EML5: variants seen among roughly 807,000 people sequenced by gnomAD.
The protein encoded by EML5 is echinoderm microtubule-associated protein-like 5.
A neutral mutation model predicts 250.0 loss-of-function variants in EML5; 120 were observed. The observed-to-expected ratio is 0.48, with a 90% confidence interval of 0.41 to 0.56. The LOEUF is 0.56. Among genes scored for constraint, EML5 ranks in the 20% least tolerant of loss-of-function variants. The pLI is 0.00. For synonymous variants in EML5, 771 were observed against 806.5 expected, an observed-to-expected ratio of 0.96 and a Z score of 0.75; for missense variants, 2,006 against 2,437.6, an observed-to-expected ratio of 0.82 and a Z score of 3.73.
At chr14:88,665,242 G>A in intron 22 of EML5, 95 bp downstream of exon 22, 1 of 1,337,388 alleles carries the variant, frequency 7.5e-7, no homozygotes, top group African/African-American at 1.5e-5. Context: ...GTTAAGTTCT[G>A]AGATAACATA....
intron 33 of EML5, among the ~76,000 whole-genome samples, chr14:88,630,577 A>G (rs1232803658): frequency 6.6e-6 from 1 of 151,960 alleles, no homozygotes; most frequent in Non-Finnish European, 1.5e-5. Context: ...TACTGCCTCC[A>G]CTCCCAACCC....
At chr14:88,704,001 A>G (rs779061795) in intron 13 of EML5, among the ~76,000 whole-genome samples, 4 of 152,154 alleles carry the variant, frequency 2.6e-5, no homozygotes, top group South Asian at 4.1e-4. Context: ...CACCACTAGC[A>G]TTGCCTTATT....
At chr14:88,637,836 T>C (rs2090827333) in intron 32 of EML5, among the ~76,000 whole-genome samples, 2 of 152,184 alleles carry the variant, frequency 1.3e-5, no homozygotes, top group African/African-American at 4.8e-5. Flanking sequence ...AAGCTAGACC[T>C]ATGTATTTAT....
Position 88,705,462 on chromosome 14 carries a change from C to A in EML5, c.1932+20G>T. 1 of 1,538,858 alleles carries A rather than the reference C, an allele frequency of 6.5e-7. No individual in the cohort carries two copies. The highest frequency in any genetic ancestry group is 1.2e-5 in the South Asian group (1 of 85,248). ...GAAATTAGACTTTTTAGAGAAAAAC[C>A]ATGTGATATGGAAAATTACCTGTCG... On this transcript the variant is annotated intron_variant, in intron 12 of 43. Transcript: ENST00000554922.
chr14:88,694,257 A>G, intron 17 of EML5, 50 bp downstream of exon 17: 1 of 1,331,596 alleles, frequency 7.5e-7, no homozygotes, highest in Non-Finnish European at 1.0e-6. Context: ...TACTTTCAAA[A>G]GCAATAATTT....
intron 4 of EML5, among the ~76,000 whole-genome samples, chr14:88,741,009 A>G (rs1434481540): frequency 6.6e-6 from 1 of 152,130 alleles, no homozygotes; most frequent in Non-Finnish European, 1.5e-5. Context: ...CTAAAAATAC[A>G]AAAATTAGCC....
At chr14:88,742,871 G>T (rs1566736671) in intron 4 of EML5, among the ~76,000 whole-genome samples, 1 of 152,072 alleles carries the variant, frequency 6.6e-6, no homozygotes. Flanking sequence ...AAACGTGGAT[G>T]GAGTTAGGCA....
chr14:88,739,623 G>A (rs1369919539), intron 5 of EML5, among the ~76,000 whole-genome samples: 1 of 152,164 alleles, frequency 6.6e-6, no homozygotes, highest in Admixed American at 6.5e-5. Context: ...GGCTGTGAGA[G>A]ACTTTTCTAG....
chr14:88,663,712 T>A, intron 23 of EML5, among the ~76,000 whole-genome samples: 1 of 151,916 alleles, frequency 6.6e-6, no homozygotes, highest in South Asian at 2.1e-4. Context: ...TTCATTTTTT[T>A]TTTTTAGGAA....
chr14:88,739,138 A>G lies in EML5; in HGVS notation c.712-124T>C, dbSNP rs915603264. 5 of 887,378 alleles carry G rather than the reference A, an allele frequency of 5.6e-6. No homozygotes were observed. In the Admixed American group the frequency reaches 9.9e-5, roughly 18 times the overall value. The allele number at this position is 887,378 out of a possible 1,614,324, so 55.0% of individuals were successfully genotyped here. ...GTAGGATATAAGAATAAACAAATACATCAGAAAACACAAAAGAAAATCTAG... is the reference window on the plus strand; with the variant it reads ...GTAGGATATAAGAATAAACAAATACGTCAGAAAACACAAAAGAAAATCTAG... On this transcript the variant is annotated intron_variant, in intron 5 of 43. Transcript: ENST00000554922.
intron 31 of EML5, among the ~76,000 whole-genome samples, chr14:88,642,075 A>G (rs1354421110): frequency 1.3e-5 from 2 of 152,202 alleles, no homozygotes; most frequent in African/African-American, 4.8e-5. Flanking sequence ...GAAAGATCAT[A>G]TTGATGGTTA....
At chr14:88,729,314 AAT>A (rs1469557123) in intron 7 of EML5, among the ~76,000 whole-genome samples, 1 of 152,172 alleles carries the variant, frequency 6.6e-6, no homozygotes, top group African/African-American at 2.4e-5. Context: ...TTCAACATTA[AAT>A]ATGATATTTG....
intron 2 of EML5, among the ~76,000 whole-genome samples, chr14:88,751,376 A>T (rs1193170083): frequency 6.6e-6 from 1 of 152,202 alleles, no homozygotes; most frequent in Non-Finnish European, 1.5e-5. Flanking sequence ...AGAACAAAGG[A>T]CCTCAAGATT....
chr14:88,781,229 C>T (rs955173720), intron 1 of EML5, among the ~76,000 whole-genome samples: 5 of 152,170 alleles, frequency 3.3e-5, no homozygotes, highest in Non-Finnish European at 7.4e-5. Context: ...GTCTCTGACC[C>T]AGAAGCTGGT....
At chr14:88,638,216 C>T (rs902309236) in intron 32 of EML5, among the ~76,000 whole-genome samples, 6 of 152,176 alleles carry the variant, frequency 3.9e-5, no homozygotes, top group Admixed American at 2.6e-4. Flanking sequence ...ACCTGCCATC[C>T]TCTCATCAGT....
intron 1 of EML5, among the ~76,000 whole-genome samples, chr14:88,789,369 TAAATATAACTA>T (rs1272776722): frequency 6.6e-6 from 1 of 152,150 alleles, no homozygotes; most frequent in Non-Finnish European, 1.5e-5. Flanking sequence ...GTTACTAAGA[TAAATATAACTA>T]AAAGATAAAT....
intron 38 of EML5, 86 bp downstream of exon 38, chr14:88,621,027 C>A: frequency 6.7e-7 from 1 of 1,482,738 alleles, no homozygotes. Flanking sequence ...AGAATTCTGG[C>A]AGTTCTTTAA....
chr14:88,707,973 A>C (rs1340820079), intron 10 of EML5, among the ~76,000 whole-genome samples: 2 of 152,140 alleles, frequency 1.3e-5, no homozygotes, highest in Non-Finnish European at 2.9e-5. Flanking sequence ...AAGATCTACT[A>C]ATTTGTTATG....
chr14:88,746,859 A>G (rs2094011057), intron 2 of EML5, among the ~76,000 whole-genome samples: 1 of 152,176 alleles, frequency 6.6e-6, no homozygotes, highest in South Asian at 2.1e-4. Context: ...GCAACTCATG[A>G]AGAGGGAGAA....
Sources: gnomAD v4.1 joint callset for allele counts (sites outside exome capture counted in the v4.1 genomes callset) on GRCh38, gnomAD v4.1.1 for gene constraint, MANE v1.5 for transcripts, NCBI Gene and HGNC (gene_info 2026-07-23, HGNC 2026-07-21) for gene names.